Variants in CMIP observed in about 807,000 individuals in gnomAD.
CMIP encodes the protein C-Maf-inducing protein.
CMIP carries 13 observed loss-of-function variants against 97.3 expected under a neutral mutation model. That is an observed-to-expected ratio of 0.13 (90% CI 0.09 to 0.21). The LOEUF (loss-of-function observed/expected upper bound fraction) is 0.21. Among genes scored for constraint, CMIP ranks in the 10% least tolerant of loss-of-function variants. The pLI is 1.00. For synonymous variants in CMIP, 538 were observed against 436.3 expected (o/e 1.23, Z -2.91); for missense variants, 847 against 1,024.9 (o/e 0.83, Z 2.37).
chr16:81,489,783 G>T (rs1470108051), intron 1 of CMIP, among the ~76,000 whole-genome samples: 1 of 152,238 alleles, frequency 6.6e-6, no homozygotes, highest in African/African-American at 2.4e-5. Context: ...CCTTCACGCT[G>T]GGAGCTTTTG....
intron 1 of CMIP, among the ~76,000 whole-genome samples, chr16:81,503,993 G>A (rs2089658771): frequency 6.6e-6 from 1 of 152,240 alleles, no homozygotes; most frequent in South Asian, 2.1e-4. Context: ...ATGGAGAGGT[G>A]AGGCTTGGGA....
chr16:81,477,006 C>T (rs1907965235), intron 1 of CMIP, among the ~76,000 whole-genome samples: 2 of 151,976 alleles, frequency 1.3e-5, no homozygotes, highest in African/African-American at 4.8e-5. Context: ...CTTTGGGCTT[C>T]ATCTATAGTA....
intron 18 of CMIP, 41 bp downstream of exon 18, chr16:81,704,126 C>G: frequency 6.4e-7 from 1 of 1,570,326 alleles, no homozygotes; most frequent in South Asian, 1.1e-5. Context: ...ACACCCTCCT[C>G]CTTCACCTCT....
intron 1 of CMIP, among the ~76,000 whole-genome samples, chr16:81,492,822 G>A (rs1428523569): frequency 6.6e-6 from 1 of 151,906 alleles, no homozygotes; most frequent in Non-Finnish European, 1.5e-5. Flanking sequence ...GTGGGGGGTC[G>A]GGGAGAAATG....
At chr16:81,474,884 A>G (rs1202511634) in intron 1 of CMIP, among the ~76,000 whole-genome samples, 1 of 152,218 alleles carries the variant, frequency 6.6e-6, no homozygotes, top group African/African-American at 2.4e-5. Context: ...GGAGTCGACC[A>G]GTGCTTGTCT....
At chr16:81,449,847 G>A (rs1018594520) in intron 1 of CMIP, among the ~76,000 whole-genome samples, 2 of 152,220 alleles carry the variant, frequency 1.3e-5, no homozygotes, top group African/African-American at 4.8e-5. Context: ...GCTGTAATAA[G>A]TAAGTGCATT....
intron 5 of CMIP, among the ~76,000 whole-genome samples, chr16:81,658,898 G>T (rs930753887): frequency 6.6e-6 from 1 of 152,240 alleles, no homozygotes; most frequent in Non-Finnish European, 1.5e-5. Context: ...GACCCACTCA[G>T]TCGGCCCTGG....
At chr16:81,495,922 A>ATCCCCAGC (rs1327948870) in intron 1 of CMIP, among the ~76,000 whole-genome samples, 1 of 152,120 alleles carries the variant, frequency 6.6e-6, no homozygotes, top group Non-Finnish European at 1.5e-5. Context: ...TTGCGAGATA[A>ATCCCCAGC]TCCCCAGCTC....
At chr16:81,639,450 G>A (rs1017559645) in intron 3 of CMIP, among the ~76,000 whole-genome samples, 2 of 152,024 alleles carry the variant, frequency 1.3e-5, no homozygotes, top group Admixed American at 6.6e-5. Flanking sequence ...TTCTGCTTTC[G>A]GTCTCTAAGA....
intron 3 of CMIP, among the ~76,000 whole-genome samples, chr16:81,636,609 A>G (rs1383380694): frequency 3.3e-5 from 5 of 150,542 alleles, no homozygotes; most frequent in South Asian, 2.1e-4. Context: ...AAAGTATGGC[A>G]TTCTGACTAA....
chr16:81,585,551 A>G (rs2091367808), intron 1 of CMIP, among the ~76,000 whole-genome samples: 1 of 152,126 alleles, frequency 6.6e-6, no homozygotes, highest in Non-Finnish European at 1.5e-5. Context: ...CATTTCATAT[A>G]CGTGGATCAA....
intron 16 of CMIP, 42 bp from the exon 17 acceptor site, chr16:81,702,580 T>C: frequency 6.3e-7 from 1 of 1,598,512 alleles, no homozygotes. Flanking sequence ...AATGGAAACT[T>C]GGGGAAAAGA....
intron 10 of CMIP, among the ~76,000 whole-genome samples, chr16:81,687,093 C>T (rs761891794): frequency 2.0e-5 from 3 of 152,222 alleles, no homozygotes; most frequent in South Asian, 2.1e-4. Context: ...ACTTGCTAGT[C>T]CCCCAGATGG....
At chr16:81,606,408 C>G (rs1460765429) in intron 1 of CMIP, among the ~76,000 whole-genome samples, 1 of 152,150 alleles carries the variant, frequency 6.6e-6, no homozygotes, top group African/African-American at 2.4e-5. Context: ...ACCTGATTCT[C>G]CTGAAGTCTG....
chr16:81,457,567 C>A lies in CMIP; in HGVS notation c.300+12026C>A, dbSNP rs1906629677. On this transcript the variant is annotated intron_variant, in intron 1 of 20. Transcript: ENST00000537098. ...CCACTGCTCCCCACAGTTGTAACAA[C>A]CCGTGATACGTAACAAGCAGGCTCT... 2.0e-5 allele frequency among the ~76,000 whole-genome samples: 3 copies of A among 152,242 alleles called. No homozygotes were observed. The South Asian group carries it at 6.2e-4, about 31-fold the overall frequency.
In CMIP at chr16:81,463,039, C is replaced by T. The variant is rs192196877; in HGVS notation, c.300+17498C>T. 3.6e-3 allele frequency among the ~76,000 whole-genome samples: 545 copies of T among 151,718 alleles called. 3 individuals are homozygous for T. Among genetic ancestry groups the T allele is most frequent in the Non-Finnish European group, 4.7e-3 (320 of 68,028 alleles). On this transcript the variant is annotated intron_variant, in intron 1 of 20. Transcript: ENST00000537098. ...GGGAAGTATGGATCCTTTACTGAGT[C>T]TCTATCATGGAGGCTACCTGGCAAA...
chr16:81,473,650 G>C (rs1907697127), intron 1 of CMIP, among the ~76,000 whole-genome samples: 2 of 151,868 alleles, frequency 1.3e-5, no homozygotes, highest in Non-Finnish European at 2.9e-5. Context: ...GTGTTGGAAT[G>C]GGGTGATCTC....
At chr16:81,639,622 G>A (rs1166500033) in intron 3 of CMIP, among the ~76,000 whole-genome samples, 1 of 152,322 alleles carries the variant, frequency 6.6e-6, no homozygotes, top group East Asian at 1.9e-4. Context: ...TGAATGGGTA[G>A]ACCACACCTT....
chr16:81,680,270 G>A (rs1264475409), intron 10 of CMIP, among the ~76,000 whole-genome samples: 1 of 152,232 alleles, frequency 6.6e-6, no homozygotes, highest in South Asian at 2.1e-4. Flanking sequence ...TCATGTATGT[G>A]TTGTGTTGCT....
Sources: gnomAD v4.1 joint callset for allele counts (sites outside exome capture counted in the v4.1 genomes callset) on GRCh38, gnomAD v4.1.1 for gene constraint, MANE v1.5 for transcripts, NCBI Gene and HGNC (gene_info 2026-07-23, HGNC 2026-07-21) for gene names.